DLGAP1: variants seen among roughly 807,000 people sequenced by gnomAD.
DLGAP1 encodes DLG associated protein 1.
Under a neutral mutation model 90.8 loss-of-function variants are expected in DLGAP1, and 11 were observed. The ratio of observed to expected loss-of-function variants is 0.12; its 90% CI spans 0.08 to 0.20. The LOEUF (loss-of-function observed/expected upper bound fraction) is 0.20. Among genes scored for constraint, DLGAP1 ranks in the 10% least tolerant of loss-of-function variants. DLGAP1 has a pLI of 1.00. For synonymous variants in DLGAP1, 558 were observed against 540.7 expected, an observed-to-expected ratio of 1.03 and a Z score of -0.44; for missense variants, 1,050 against 1,333.8, an observed-to-expected ratio of 0.79 and a Z score of 3.31.
chr18:3,954,095 TAA>T (rs2073039402), intron 3 of DLGAP1, among the ~76,000 whole-genome samples: 1 of 152,222 alleles, frequency 6.6e-6, no homozygotes, highest in African/African-American at 2.4e-5. Flanking sequence ...TCTTAATATA[TAA>T]AAGTTATAGA....
intron 7 of DLGAP1, among the ~76,000 whole-genome samples, chr18:3,635,298 T>A (rs951688870): frequency 5.9e-5 from 9 of 151,784 alleles, no homozygotes; most frequent in South Asian, 2.1e-4. Context: ...GCCCGGCTGA[T>A]TTTTTTGTAT....
chr18:4,176,253 A>G (rs548008079), intron 1 of DLGAP1, among the ~76,000 whole-genome samples: 5 of 152,318 alleles, frequency 3.3e-5, no homozygotes, highest in African/African-American at 9.6e-5. Context: ...ACATGTTGTA[A>G]ATGGACAGTG....
intron 10 of DLGAP1, among the ~76,000 whole-genome samples, chr18:3,531,278 A>C (rs555477617): frequency 6.6e-6 from 1 of 152,100 alleles, no homozygotes; most frequent in African/African-American, 2.4e-5. Flanking sequence ...CTCTACTAAA[A>C]ATACAAAAAT....
chr18:4,395,768 G>A (rs1465820009), intron 1 of DLGAP1, among the ~76,000 whole-genome samples: 2 of 152,212 alleles, frequency 1.3e-5, no homozygotes, highest in African/African-American at 4.8e-5. Context: ...GTGAGAGAGA[G>A]GGGACATGCT....
chr18:3,914,855 T>C (rs1414225173), intron 3 of DLGAP1, among the ~76,000 whole-genome samples: 3 of 152,176 alleles, frequency 2.0e-5, no homozygotes, highest in African/African-American at 4.8e-5. Context: ...ACTCAAGCGA[T>C]CCTCCTGCCT....
intron 7 of DLGAP1, among the ~76,000 whole-genome samples, chr18:3,667,094 T>C (rs1436807226): frequency 6.7e-6 from 1 of 149,384 alleles, no homozygotes; most frequent in East Asian, 1.9e-4. Context: ...TTTTTTTTTT[T>C]GGGAGTCAGG....
At chr18:4,221,774 C>T (rs1429468435) in intron 1 of DLGAP1, among the ~76,000 whole-genome samples, 1 of 152,082 alleles carries the variant, frequency 6.6e-6, no homozygotes, top group Non-Finnish European at 1.5e-5. Flanking sequence ...CCATTTTCTC[C>T]CTCCCCATTA....
chr18:3,651,770 C>T (rs894279374), intron 7 of DLGAP1, among the ~76,000 whole-genome samples: 15 of 151,920 alleles, frequency 9.9e-5, no homozygotes, highest in African/African-American at 3.1e-4. Context: ...GTCAGGAGTT[C>T]GAGACCAGCC....
At chr18:4,217,144 T>C (rs953087574) in intron 1 of DLGAP1, among the ~76,000 whole-genome samples, 1 of 152,140 alleles carries the variant, frequency 6.6e-6, no homozygotes, top group African/African-American at 2.4e-5. Flanking sequence ...TATACAGCCT[T>C]TTCTGGCTGC....
In DLGAP1 at chr18:3,635,429, G is replaced by A. The variant is rs541998001; in HGVS notation, c.1592-53181C>T. ...GCTGGGATTACAGGCGTGAGCCACC[G>A]CGCCCGGCCTGTCTGTCCCATTTTT... On this transcript the variant is annotated intron_variant, in intron 7 of 12. Coordinates refer to ENST00000315677, the MANE Select transcript of DLGAP1 (RefSeq NM_004746.4). 1.7e-3 allele frequency among the ~76,000 whole-genome samples: 262 copies of A among 151,258 alleles called. 1 individual carries two copies. Among genetic ancestry groups the A allele is most frequent in the Non-Finnish European group, 2.2e-3 (151 of 67,928 alleles).
At chr18:3,960,350 A>G (rs1051840381) in intron 3 of DLGAP1, among the ~76,000 whole-genome samples, 1 of 152,070 alleles carries the variant, frequency 6.6e-6, no homozygotes, top group African/African-American at 2.4e-5. Context: ...AGGTCGGGGA[A>G]GCCAGCGGTT....
Position 4,107,292 on chromosome 18 carries a change from A to G in DLGAP1, c.-159+43888T>C, listed in dbSNP as rs1447554108. On this transcript the variant is annotated intron_variant, in intron 2 of 12. Transcript: ENST00000315677. The stretch of plus-strand genomic sequence containing the variant: ...GGCCTGACACTCCCATGAGGCTTAA[A>G]TGGAATCACACAGTGAATTTTCCAC... Among the ~76,000 whole-genome samples the G allele has an allele frequency of 2.0e-5, 3 of 152,346 alleles. No individual in the cohort carries two copies. In the East Asian group the frequency reaches 5.8e-4, roughly 29 times the overall value.
chr18:4,054,237 A>G (rs770277603), intron 2 of DLGAP1, among the ~76,000 whole-genome samples: 47 of 152,210 alleles, frequency 3.1e-4, no homozygotes, highest in Non-Finnish European at 1.5e-4. Context: ...TGGGAGCCCC[A>G]TGAGGGATAG....
chr18:4,155,718 C>G (rs4798187), intron 1 of DLGAP1, among the ~76,000 whole-genome samples: 47,738 of 151,886 alleles, frequency 0.31, 7,697 homozygotes, highest in East Asian at 0.42. Flanking sequence ...ACATGGTGGG[C>G]TGGTGGGGTG....
At chr18:4,440,521 TC>T (rs1217646715) in intron 1 of DLGAP1, among the ~76,000 whole-genome samples, 7 of 152,194 alleles carry the variant, frequency 4.6e-5, no homozygotes, top group African/African-American at 1.7e-4. Flanking sequence ...TCTAGAACTT[TC>T]ACTAAGTTTA....
intron 1 of DLGAP1, chr18:4,280,849 T>A (rs565527753): frequency 6.6e-6 from 1 of 152,312 alleles, no homozygotes. Flanking sequence ...GATGACTGAT[T>A]AGCTTTGATA....
chr18:3,577,647 T>C (rs1368471591), intron 8 of DLGAP1, among the ~76,000 whole-genome samples: 1 of 152,212 alleles, frequency 6.6e-6, no homozygotes, highest in East Asian at 1.9e-4. Context: ...ATGGAGGATA[T>C]TGTTCTCTGC....
intron 10 of DLGAP1, among the ~76,000 whole-genome samples, chr18:3,524,974 C>CT (rs1353859123): frequency 1.3e-5 from 2 of 151,780 alleles, no homozygotes; most frequent in East Asian, 1.9e-4. Flanking sequence ...CACAACAGTG[C>CT]TTTTTTTGTT....
intron 7 of DLGAP1, among the ~76,000 whole-genome samples, chr18:3,618,213 G>C (rs2057950910): frequency 6.6e-6 from 1 of 152,082 alleles, no homozygotes; most frequent in Non-Finnish European, 1.5e-5. Context: ...CTTTGCAACA[G>C]CAATTACTCT....
Sources: gnomAD v4.1 joint callset for allele counts (sites outside exome capture counted in the v4.1 genomes callset) on GRCh38, gnomAD v4.1.1 for gene constraint, MANE v1.5 for transcripts, NCBI Gene and HGNC (gene_info 2026-07-23, HGNC 2026-07-21) for gene names.